The following CDH23 variants were observed in gnomAD, a reference collection of about 807,000 sequenced individuals.
CDH23 encodes cadherin-23.
In CDH23, 189 loss-of-function variants were observed where a neutral mutation model predicts 317.1. The ratio of observed to expected loss-of-function variants is 0.60; its 90% CI spans 0.53 to 0.67. The LOEUF is 0.67. Among genes scored for constraint, CDH23 ranks in the 30% least tolerant of loss-of-function variants. The pLI is 0.00. For missense variants in CDH23, 4,401 were observed against 4,592.4 expected (o/e 0.96, Z 1.20); for synonymous variants, 1,839 against 1,876.8 (o/e 0.98, Z 0.52).
intron 11 of CDH23, among the ~76,000 whole-genome samples, chr10:71,622,628 G>A (rs1002882502): frequency 3.3e-5 from 5 of 152,120 alleles, no homozygotes; most frequent in African/African-American, 4.8e-5. Context: ...ACCCCTCCCC[G>A]CTGACCCAGA....
chr10:71,494,950 G>A (rs10823768), intron 3 of CDH23, among the ~76,000 whole-genome samples: 87,824 of 151,874 alleles, frequency 0.58, 25,805 homozygotes, highest in East Asian at 0.65. Context: ...GTACCCAGGG[G>A]GAGAGGAATG....
intron 6 of CDH23, among the ~76,000 whole-genome samples, chr10:71,563,241 G>A (rs1857221749): frequency 6.6e-6 from 1 of 152,170 alleles, no homozygotes; most frequent in African/African-American, 2.4e-5. Flanking sequence ...GTCCACCCTA[G>A]GAAATGGGGA....
At chr10:71,785,844 G>A (rs763633991) in intron 44 of CDH23, 106 bp downstream of exon 44, 1 of 764,664 alleles carries the variant, frequency 1.3e-6, no homozygotes, top group Non-Finnish European at 2.3e-6. Flanking sequence ...AGATGCACAG[G>A]CTTTGGAGTG....
chr10:71,417,076 T>C (rs1848566837), intron 1 of CDH23, among the ~76,000 whole-genome samples: 2 of 151,616 alleles, frequency 1.3e-5, no homozygotes. Context: ...TCTTTTCTTT[T>C]CTTTTTTTTT....
chr10:71,446,741 AGTTTTCTGCATTGAGTTTGCCTGGCTTTG>A (rs1850189820), intron 3 of CDH23, among the ~76,000 whole-genome samples: 1 of 152,204 alleles, frequency 6.6e-6, no homozygotes, highest in Non-Finnish European at 1.5e-5. Flanking sequence ...GTGATTACTA[AGTTTTCTGCATTGAGTTTGCCTGGCTTTG>A]GCATTAGAAA....
rs1262339083 is a variant in CDH23 at position 71,702,679 on chromosome 10, G to A, written c.2718G>A (p.Gly906=). The change falls in exon 24 of 70, where the codon GGG becomes GGA. Residue 906 remains glycine (G), a synonymous_variant. Transcript: ENST00000224721. The part of the protein sequence containing the change: ...VAEVLEGIPA[G]VSIYQVVAID... ...AGGTGCTTGAAGGCATCCCGGCGGGGGTCTCCATCTACCAAGTGAGTCTCT... is the reference window on the plus strand; with the variant it reads ...AGGTGCTTGAAGGCATCCCGGCGGGAGTCTCCATCTACCAAGTGAGTCTCT... The A allele has an allele frequency of 6.2e-7, 1 of 1,613,788 alleles. No homozygotes were observed. Among genetic ancestry groups the A allele is most frequent in the Admixed American group, 1.7e-5 (1 of 60,020 alleles).
intron 1 of CDH23, among the ~76,000 whole-genome samples, chr10:71,421,309 G>A (rs1231628343): frequency 1.3e-5 from 2 of 152,196 alleles, no homozygotes; most frequent in Admixed American, 1.3e-4. Context: ...ATTTAACCTG[G>A]CCTGTTGGCC....
chr10:71,656,923 G>C (rs1341745265), intron 14 of CDH23, among the ~76,000 whole-genome samples: 1 of 152,194 alleles, frequency 6.6e-6, no homozygotes, highest in Non-Finnish European at 1.5e-5. Context: ...GCGGGGGGTA[G>C]GGGATGGAGG....
At chr10:71,522,356 C>T (rs749084457) in intron 6 of CDH23, among the ~76,000 whole-genome samples, 4 of 152,278 alleles carry the variant, frequency 2.6e-5, no homozygotes, top group Admixed American at 6.5e-5. Context: ...CTTCTAACCC[C>T]GTGGCTTGCT....
chr10:71,696,793 A>T (rs1480969191), intron 22 of CDH23, among the ~76,000 whole-genome samples: 3 of 152,158 alleles, frequency 2.0e-5, no homozygotes, highest in Non-Finnish European at 4.4e-5. Context: ...TTTTTTTCAA[A>T]GCCCCGTAGA....
At position 71,706,985 on chromosome 10, in the gene CDH23, G is replaced by C; in HGVS notation, c.3042G>C (p.Val1014=). 6.2e-7 allele frequency: 1 copy of C among 1,608,010 alleles called. No homozygotes were observed. The change falls in exon 26 of 70, where the codon GTG becomes GTC. Residue 1014 remains valine (V), a synonymous_variant. Transcript: ENST00000224721. ...VSEDVPREFR[V]VWLNCTDNDV... ...AGGACGTGCCACGCGAGTTCCGGGT[G>C]GTCTGGCTGAACTGCACGGACAACG...
chr10:71,520,441 G>C (rs530378989), intron 6 of CDH23, among the ~76,000 whole-genome samples: 2 of 152,206 alleles, frequency 1.3e-5, no homozygotes, highest in Admixed American at 6.5e-5. Flanking sequence ...ACTGAGTAAG[G>C]GTCAAGGATC....
intron 18 of CDH23, among the ~76,000 whole-genome samples, chr10:71,685,416 C>A (rs546732403): frequency 1.4e-4 from 22 of 152,342 alleles, no homozygotes; most frequent in African/African-American, 5.3e-4. Flanking sequence ...CCTCAGCCCC[C>A]CTAAAAGGGG....
chr10:71,601,368 T>G (rs1860205160), intron 9 of CDH23, among the ~76,000 whole-genome samples: 1 of 152,240 alleles, frequency 6.6e-6, no homozygotes, highest in African/African-American at 2.4e-5. Flanking sequence ...CTGAACTAAG[T>G]AGGATTATTA....
At chr10:71,414,754 A>G (rs1848468784) in intron 1 of CDH23, among the ~76,000 whole-genome samples, 1 of 152,056 alleles carries the variant, frequency 6.6e-6, no homozygotes, top group Non-Finnish European at 1.5e-5. Flanking sequence ...TGTTTTCTGG[A>G]GGAGTGTGGA....
rs1166873888 is a variant in CDH23, at chr10:71,432,622, G to A, written c.-5-7205G>A. On this transcript the variant is annotated intron_variant, in intron 1 of 69. Coordinates refer to ENST00000224721, the MANE Select transcript of CDH23 (RefSeq NM_022124.6). ...GGGGAAAGGAGAACCCTCAGTATGG[G>A]GCCAAGTGCCAGCCTTGGGCCTTGT... 3.3e-5 allele frequency among the ~76,000 whole-genome samples: 5 copies of A among 152,238 alleles called. No homozygotes were observed. In the East Asian group the frequency reaches 9.7e-4, roughly 29 times the overall value.
At chr10:71,548,175 G>C (rs1856388991) in intron 6 of CDH23, among the ~76,000 whole-genome samples, 1 of 152,244 alleles carries the variant, frequency 6.6e-6, no homozygotes, top group Non-Finnish European at 1.5e-5. Flanking sequence ...CCAGGGGACA[G>C]GGCCACAGCC....
At chr10:71,515,390 TCTCTCACACACA>T (rs1232510091) in intron 6 of CDH23, among the ~76,000 whole-genome samples, 1 of 58,664 alleles carries the variant, frequency 1.7e-5, no homozygotes, top group Non-Finnish European at 3.3e-5. Flanking sequence ...TCTCTCTCTC[TCTCTCACACACA>T]CACACACACA....
At chr10:71,539,956 T>C (rs1855897283) in intron 6 of CDH23, among the ~76,000 whole-genome samples, 1 of 152,176 alleles carries the variant, frequency 6.6e-6, no homozygotes, top group Admixed American at 6.5e-5. Flanking sequence ...CTCACTGGTG[T>C]AGCGCCTGGC....
Sources: allele counts gnomAD v4.1 joint callset (sites outside exome capture counted in the v4.1 genomes callset), GRCh38; gene constraint gnomAD v4.1.1; transcripts MANE v1.5; gene names NCBI Gene and HGNC (gene_info 2026-07-23, HGNC 2026-07-21).